The following SNCAIP variants were observed in gnomAD, a reference collection of about 807,000 sequenced individuals.
SNCAIP encodes synuclein alpha interacting protein.
Under a neutral mutation model 86.7 loss-of-function variants are expected in SNCAIP, and 43 were observed. The observed-to-expected ratio is 0.50, with a 90% CI of 0.39 to 0.64. SNCAIP has a LOEUF of 0.64. Ranked by LOEUF, SNCAIP falls within the 30% of genes least tolerant of loss-of-function variation. SNCAIP has a pLI of 0.00. For synonymous variants in SNCAIP, 417 were observed against 427.2 expected, an observed-to-expected ratio of 0.98 and a Z score of 0.29; for missense variants, 981 against 1,103.1, an observed-to-expected ratio of 0.89 and a Z score of 1.57.
chr5:122,323,834 G>A (rs1299374498), intron 1 of SNCAIP, among the ~76,000 whole-genome samples: 3 of 152,134 alleles, frequency 2.0e-5, no homozygotes, highest in Non-Finnish European at 4.4e-5. Flanking sequence ...TGTGCATGTA[G>A]GAAACCAACT....
At chr5:122,371,636 C>G (rs1764288536) in intron 1 of SNCAIP, 1 of 152,138 alleles carries the variant, frequency 6.6e-6, no homozygotes. Flanking sequence ...GAAAAGTCAA[C>G]AGAAATCTGC....
intron 1 of SNCAIP, among the ~76,000 whole-genome samples, chr5:122,354,169 A>G (rs907067922): frequency 3.3e-5 from 5 of 152,198 alleles, no homozygotes; most frequent in African/African-American, 1.2e-4. Flanking sequence ...TGGACTCAGT[A>G]GACATTTGAG....
chr5:122,453,112 G>T, intron 10 of SNCAIP: 1 of 611,218 alleles, frequency 1.6e-6, no homozygotes, highest in South Asian at 2.3e-5. Context: ...CAAGGAAGAA[G>T]AAAATTACAA....
chr5:122,350,350 T>A (rs1218144647), intron 1 of SNCAIP, among the ~76,000 whole-genome samples: 3 of 152,202 alleles, frequency 2.0e-5, no homozygotes, highest in Non-Finnish European at 4.4e-5. Flanking sequence ...TTGATTCCAG[T>A]AATGGACTAT....
intron 8 of SNCAIP, among the ~76,000 whole-genome samples, chr5:122,446,764 G>T (rs1230093753): frequency 6.6e-6 from 1 of 152,166 alleles, no homozygotes; most frequent in African/African-American, 2.4e-5. Flanking sequence ...ACATAGACAA[G>T]GACAGGAGAG....
chr5:122,376,516 G>A (rs751609767), intron 1 of SNCAIP, among the ~76,000 whole-genome samples: 11 of 152,088 alleles, frequency 7.2e-5, no homozygotes, highest in Non-Finnish European at 1.5e-4. Flanking sequence ...CAACTTCCCA[G>A]TGCTTGAAAT....
At chr5:122,374,481 A>G (rs1764885744) in intron 1 of SNCAIP, among the ~76,000 whole-genome samples, 1 of 152,152 alleles carries the variant, frequency 6.6e-6, no homozygotes, top group Non-Finnish European at 1.5e-5. Context: ...CATATGCTTA[A>G]TGGCAAAGAA....
intron 1 of SNCAIP, among the ~76,000 whole-genome samples, chr5:122,318,096 C>T (rs1195802712): frequency 2.0e-4 from 31 of 152,098 alleles, no homozygotes; most frequent in Non-Finnish European, 2.9e-5. Context: ...CCAAGATTCT[C>T]TCTGAGGTGA....
chr5:122,354,238 T>G (rs1438413291), intron 1 of SNCAIP, among the ~76,000 whole-genome samples: 2 of 152,218 alleles, frequency 1.3e-5, no homozygotes, highest in Non-Finnish European at 2.9e-5. Flanking sequence ...TACTTCATTT[T>G]GTTAAGGCAC....
chr5:122,421,894 C>A (rs1018102635), intron 3 of SNCAIP, among the ~76,000 whole-genome samples: 9 of 151,456 alleles, frequency 5.9e-5, no homozygotes, highest in African/African-American at 2.2e-4. Flanking sequence ...AGAGATGGCT[C>A]TTATCTTTCA....
intron 1 of SNCAIP, among the ~76,000 whole-genome samples, chr5:122,343,874 T>A (rs1463154658): frequency 6.6e-6 from 1 of 152,234 alleles, no homozygotes; most frequent in South Asian, 2.1e-4. Flanking sequence ...CTTAACAAGA[T>A]GAGAAACCAG....
intron 5 of SNCAIP, among the ~76,000 whole-genome samples, chr5:122,426,496 A>T (rs1341181436): frequency 6.6e-6 from 1 of 152,162 alleles, no homozygotes; most frequent in Non-Finnish European, 1.5e-5. Flanking sequence ...TTGTATTTTT[A>T]ATTTGATGAT....
intron 8 of SNCAIP, among the ~76,000 whole-genome samples, chr5:122,447,431 G>A (rs936733036): frequency 3.3e-5 from 5 of 152,302 alleles, no homozygotes; most frequent in Admixed American, 1.3e-4. Context: ...ATAGAATCCA[G>A]AGAGTAGTCT....
chr5:122,385,293 A>G (rs550925433), intron 1 of SNCAIP, among the ~76,000 whole-genome samples: 2 of 152,242 alleles, frequency 1.3e-5, no homozygotes, highest in Non-Finnish European at 2.9e-5. Context: ...GAAGAAGTGG[A>G]TAAAGTCCAC....
At chr5:122,382,214 C>G (rs987881938) in intron 1 of SNCAIP, among the ~76,000 whole-genome samples, 54 of 152,256 alleles carry the variant, frequency 3.5e-4, no homozygotes, top group African/African-American at 1.2e-3. Flanking sequence ...CACATAGTCC[C>G]ATATTTCTTG....
chr5:122,456,721 A>AT (rs577581634), intron 10 of SNCAIP, among the ~76,000 whole-genome samples: 2 of 152,060 alleles, frequency 1.3e-5, no homozygotes, highest in Non-Finnish European at 2.9e-5. Flanking sequence ...TCTTGCTTTC[A>AT]TTTTTTGACC....
chr5:122,318,932 A>G lies in SNCAIP; in HGVS notation c.-47+6648A>G, dbSNP rs117480921. Among the ~76,000 whole-genome samples the G allele has an allele frequency of 6.6e-5, 10 of 151,398 alleles. No homozygotes were observed. In the East Asian group the frequency reaches 1.7e-3, roughly 26 times the overall value. On this transcript the variant is annotated intron_variant, in intron 1 of 10. Coordinates refer to ENST00000261368, the MANE Select transcript of SNCAIP (RefSeq NM_005460.4). ...AATTACTTTCTTATTTAGTTCTCACAGCAGCCCTAGGTAGGAGGCGTCACT... is the reference window on the plus strand; with the variant it reads ...AATTACTTTCTTATTTAGTTCTCACGGCAGCCCTAGGTAGGAGGCGTCACT...
intron 10 of SNCAIP, among the ~76,000 whole-genome samples, chr5:122,455,244 GAC>G (rs1784513434): frequency 6.6e-6 from 1 of 152,166 alleles, no homozygotes; most frequent in Non-Finnish European, 1.5e-5. Flanking sequence ...ATCACACACA[GAC>G]AGAGAGAACT....
At chr5:122,333,889 T>G (rs1223079168) in intron 1 of SNCAIP, among the ~76,000 whole-genome samples, 1 of 152,192 alleles carries the variant, frequency 6.6e-6, no homozygotes, top group Admixed American at 6.5e-5. Context: ...CACAGTGGGC[T>G]GAATTGTTTG....
Sources: gnomAD v4.1 joint callset for allele counts (sites outside exome capture counted in the v4.1 genomes callset) on GRCh38, gnomAD v4.1.1 for gene constraint, MANE v1.5 for transcripts, NCBI Gene and HGNC (gene_info 2026-07-23, HGNC 2026-07-21) for gene names.